The following PDE4D variants were observed in gnomAD, a reference collection of about 807,000 sequenced individuals.
PDE4D encodes 3',5'-cyclic-AMP phosphodiesterase 4D.
PDE4D carries 24 observed loss-of-function variants against 87.4 expected under a neutral mutation model. The ratio of observed to expected loss-of-function variants is 0.27; its 90% CI spans 0.20 to 0.39. The LOEUF (loss-of-function observed/expected upper bound fraction) is 0.39, where lower values mean the gene tolerates loss of function less well. Among genes scored for constraint, PDE4D ranks in the 10% least tolerant of loss-of-function variants. The pLI, the probability that PDE4D is intolerant of heterozygous loss-of-function variation, is 1.00. For missense variants in PDE4D, 714 were observed against 1,041.0 expected (o/e 0.69, Z 4.32); for synonymous variants, 384 against 383.2 (o/e 1.00, Z -0.02).
intron 1 of PDE4D, among the ~76,000 whole-genome samples, chr5:59,244,400 A>C (rs1758323110): frequency 6.6e-6 from 1 of 151,286 alleles, no homozygotes; most frequent in Non-Finnish European, 1.5e-5. Context: ...CATCTCAAAA[A>C]ATAATAAATA....
intron 5 of PDE4D, among the ~76,000 whole-genome samples, chr5:59,068,074 G>T (rs1764200850): frequency 6.6e-6 from 1 of 152,130 alleles, no homozygotes. Flanking sequence ...TGAGGTCCAG[G>T]GCTTAAAACT....
At chr5:59,410,669 A>G (rs568029857) in intron 1 of PDE4D, among the ~76,000 whole-genome samples, 1 of 150,850 alleles carries the variant, frequency 6.6e-6, no homozygotes, top group Admixed American at 6.7e-5. Context: ...AAATTACACA[A>G]TCTCATTCTT....
At chr5:59,660,004 G>T (rs1042855836) in intron 1 of PDE4D, among the ~76,000 whole-genome samples, 103 of 152,164 alleles carry the variant, frequency 6.8e-4, no homozygotes, top group African/African-American at 2.4e-3. Context: ...GGGCAACATG[G>T]CGAGGCCCCA....
chr5:59,969,952 T>C (rs1049089612), intron 3 of PDE4D, among the ~76,000 whole-genome samples: 2 of 152,192 alleles, frequency 1.3e-5, no homozygotes, highest in African/African-American at 4.8e-5. Flanking sequence ...TTCACACATG[T>C]ATGCACACTC....
chr5:58,993,326 G>T, intron 7 of PDE4D, 46 bp downstream of exon 7: 2 of 1,144,146 alleles, frequency 1.7e-6, no homozygotes, highest in Non-Finnish European at 2.5e-6. Flanking sequence ...AAACAAACAA[G>T]CAAACAACTG....
At chr5:59,583,665 A>G (rs1824602836) in intron 1 of PDE4D, among the ~76,000 whole-genome samples, 1 of 152,216 alleles carries the variant, frequency 6.6e-6, no homozygotes, top group African/African-American at 2.4e-5. Context: ...TTTAACTCAT[A>G]ACTGATAAAG....
At chr5:60,024,091 T>G (rs1766375598) in intron 2 of PDE4D, among the ~76,000 whole-genome samples, 1 of 152,306 alleles carries the variant, frequency 6.6e-6, no homozygotes, top group East Asian at 1.9e-4. Flanking sequence ...CTTATACTAC[T>G]ACCTAGATGG....
intron 1 of PDE4D, among the ~76,000 whole-genome samples, chr5:60,451,129 C>T (rs1282713768): frequency 6.6e-6 from 1 of 152,090 alleles, no homozygotes; most frequent in Non-Finnish European, 1.5e-5. Flanking sequence ...GCCTCCTAAG[C>T]ACCCTATGGT....
At chr5:59,795,389 C>G (rs1362862467) in intron 1 of PDE4D, among the ~76,000 whole-genome samples, 1 of 152,082 alleles carries the variant, frequency 6.6e-6, no homozygotes, top group Non-Finnish European at 1.5e-5. Flanking sequence ...TCTGTGGGTT[C>G]CCCGGTGGAT....
At chr5:59,043,905 A>G (rs1482399578) in intron 5 of PDE4D, among the ~76,000 whole-genome samples, 2 of 152,170 alleles carry the variant, frequency 1.3e-5, no homozygotes, top group East Asian at 1.9e-4. Flanking sequence ...TCATGGCTGC[A>G]TAGTATTCCA....
At chr5:59,193,607 C>T (rs375085307) in intron 2 of PDE4D, 71 bp from the exon 3 acceptor site, 210 of 1,583,772 alleles carry the variant, frequency 1.3e-4, no homozygotes, top group African/African-American at 5.2e-4. Flanking sequence ...CAATATTAAA[C>T]GGCAAGTTCC....
chr5:59,387,848 T>C (rs1414686627), intron 1 of PDE4D, among the ~76,000 whole-genome samples: 1 of 152,120 alleles, frequency 6.6e-6, no homozygotes, highest in African/African-American at 2.4e-5. Context: ...CAATGTATTG[T>C]TGTTAACTAT....
chr5:60,270,310 T>C (rs1463901343), intron 1 of PDE4D, among the ~76,000 whole-genome samples: 1 of 152,158 alleles, frequency 6.6e-6, no homozygotes, highest in East Asian at 1.9e-4. Context: ...AACTAGAAAG[T>C]AGGAGACAAG....
intron 1 of PDE4D, among the ~76,000 whole-genome samples, chr5:59,888,939 C>A (rs1750546577): frequency 6.6e-6 from 1 of 151,822 alleles, no homozygotes; most frequent in Non-Finnish European, 1.5e-5. Context: ...ATTTAAAAAA[C>A]TAATGTTGCC....
intron 1 of PDE4D, among the ~76,000 whole-genome samples, chr5:59,604,097 G>T (rs1827867845): frequency 6.6e-6 from 1 of 150,414 alleles, no homozygotes; most frequent in African/African-American, 2.4e-5. Context: ...CCATATGTTT[G>T]AATACAGTCT....
At chr5:59,271,868 A>G (rs1273603958) in intron 1 of PDE4D, among the ~76,000 whole-genome samples, 1 of 151,884 alleles carries the variant, frequency 6.6e-6, no homozygotes, top group Non-Finnish European at 1.5e-5. Context: ...ATATGCAAAT[A>G]CAGTGAAGAA....
At chr5:59,580,196 G>A (rs1823857562) in intron 1 of PDE4D, among the ~76,000 whole-genome samples, 1 of 152,142 alleles carries the variant, frequency 6.6e-6, no homozygotes, top group South Asian at 2.1e-4. Flanking sequence ...TCTAAAATCA[G>A]GCCAGGCCTG....
At chr5:60,070,686 T>A (rs1772616556) in intron 2 of PDE4D, among the ~76,000 whole-genome samples, 1 of 152,034 alleles carries the variant, frequency 6.6e-6, no homozygotes. Context: ...GACTTTAGTA[T>A]CAGAGTAATG....
At chr5:59,179,823 G>A (rs1296006083) in intron 5 of PDE4D, 1 of 296,610 alleles carries the variant, frequency 3.4e-6, no homozygotes, top group South Asian at 2.8e-5. Flanking sequence ...TCTTTTCCAG[G>A]CAATTATTTT....
Sources: gnomAD v4.1 joint callset for allele counts (sites outside exome capture counted in the v4.1 genomes callset) on GRCh38, gnomAD v4.1.1 for gene constraint, MANE v1.5 for transcripts, NCBI Gene and HGNC (gene_info 2026-07-23, HGNC 2026-07-21) for gene names.